VGLL3: variants seen among roughly 807,000 people sequenced by gnomAD.
The protein encoded by VGLL3 is vestigial like family member 3, also known as transcription cofactor vestigial-like protein 3.
Under a neutral mutation model 29.2 loss-of-function variants are expected in VGLL3, and 18 were observed. That is an observed-to-expected ratio of 0.62 (90% CI 0.43 to 0.91). The LOEUF (loss-of-function observed/expected upper bound fraction) is 0.91, where lower values mean the gene tolerates loss of function less well. Among genes scored for constraint, VGLL3 ranks in the 40% least tolerant of loss-of-function variants. VGLL3 has a pLI of 0.00. For missense variants in VGLL3, 440 were observed against 413.2 expected (o/e 1.06, Z -0.56); for synonymous variants, 180 against 151.8 (o/e 1.19, Z -1.36).
intron 3 of VGLL3, chr3:86,963,020 G>C (rs1486146106): frequency 4.3e-6 from 1 of 234,988 alleles, no homozygotes; most frequent in African/African-American, 2.3e-5. Context: ...GGTTGAACTC[G>C]GGAGGCAGAG....
chr3:86,947,001 T>C lies in VGLL3; in HGVS notation c.*23A>G, dbSNP rs1453189032. 1 of 779,414 alleles carries C rather than the reference T, an allele frequency of 1.3e-6. No individual in the cohort carries two copies. Among genetic ancestry groups the C allele is most frequent in the Non-Finnish European group, 2.4e-6 (1 of 417,322 alleles). The allele number at this position is 779,414 out of a possible 1,614,324, so 48.3% of individuals were successfully genotyped here. A position where few individuals can be genotyped will look rare whatever the true frequency, so the allele number is the denominator to read the frequency against. On this transcript the variant is annotated 3_prime_UTR_variant, in exon 4 of 4. Coordinates refer to ENST00000398399, the MANE Select transcript of VGLL3 (RefSeq NM_016206.4). The stretch of plus-strand genomic sequence containing the variant: ...TGGGCCCTTGGATTTATGCTGCAAC[T>C]TAACTCACTAAGATTGTGTGTTTCA...
intron 2 of VGLL3, among the ~76,000 whole-genome samples, chr3:86,975,021 A>C (rs1308459995): frequency 6.6e-6 from 1 of 152,230 alleles, no homozygotes; most frequent in Non-Finnish European, 1.5e-5. Context: ...ATGCTAAATT[A>C]TTCATATACA....
chr3:86,973,268 A>G (rs1705142116), intron 2 of VGLL3, among the ~76,000 whole-genome samples: 1 of 152,186 alleles, frequency 6.6e-6, no homozygotes, highest in Non-Finnish European at 1.5e-5. Context: ...TCCAGAAAAC[A>G]CATTAGAATC....
intron 3 of VGLL3, among the ~76,000 whole-genome samples, chr3:86,947,907 C>T (rs1460532524): frequency 6.6e-6 from 1 of 151,708 alleles, no homozygotes; most frequent in Non-Finnish European, 1.5e-5. Context: ...GGGCAATTCA[C>T]ATAGCACCTT....
intron 1 of VGLL3, 69 bp downstream of exon 1, chr3:86,990,549 G>C (rs763023337): frequency 1.1e-4 from 144 of 1,306,636 alleles, no homozygotes; most frequent in Non-Finnish European, 1.4e-4. Flanking sequence ...GGACGTCGCC[G>C]AGCCCCAGAC....
At chr3:86,961,057 T>C (rs1704828968) in intron 3 of VGLL3, among the ~76,000 whole-genome samples, 1 of 151,648 alleles carries the variant, frequency 6.6e-6, no homozygotes, top group Non-Finnish European at 1.5e-5. Context: ...AAGTTGTTTA[T>C]GTATACTGTA....
At chr3:86,990,437 GT>G (rs1457715354) in intron 1 of VGLL3, 180 bp downstream of exon 1, 1 of 976,638 alleles carries the variant, frequency 1.0e-6, no homozygotes, top group African/African-American at 1.8e-5. Context: ...TCACCCACCC[GT>G]CCACCCTGCT....
intron 2 of VGLL3, among the ~76,000 whole-genome samples, 182 bp downstream of exon 2, chr3:86,978,344 C>T (rs529700364): frequency 6.6e-6 from 1 of 152,322 alleles, no homozygotes; most frequent in East Asian, 1.9e-4. Context: ...CTTTCCAACC[C>T]TACATTCCAC....
At chr3:86,949,230 C>T (rs1480138061) in intron 3 of VGLL3, among the ~76,000 whole-genome samples, 7 of 152,064 alleles carry the variant, frequency 4.6e-5, no homozygotes, top group Non-Finnish European at 8.8e-5. Flanking sequence ...TTAAGATCGC[C>T]CCAGATTTTC....
At chr3:86,985,243 GAAGAAC>G (rs1705414828) in intron 1 of VGLL3, among the ~76,000 whole-genome samples, 1 of 152,108 alleles carries the variant, frequency 6.6e-6, no homozygotes, top group Admixed American at 6.5e-5. Context: ...ACAGATCATT[GAAGAAC>G]AATTTATTTT....
chr3:86,974,780 C>A (rs1705174345), intron 2 of VGLL3, among the ~76,000 whole-genome samples: 1 of 152,158 alleles, frequency 6.6e-6, no homozygotes, highest in African/African-American at 2.4e-5. Context: ...AATACTCGGT[C>A]AGCAGTTCCT....
At chr3:86,979,609 C>A (rs540071334) in intron 1 of VGLL3, among the ~76,000 whole-genome samples, 17 of 152,014 alleles carry the variant, frequency 1.1e-4, no homozygotes, top group South Asian at 4.2e-4. Flanking sequence ...ATATTTATCA[C>A]CTCACTTAAT....
Position 86,954,902 on chromosome 3 carries a change from C to CAAAAAAAAAAAAAAAAAA in VGLL3, c.938-7836_938-7835insTTTTTTTTTTTTTTTTTT, listed in dbSNP as rs879461102. On this transcript the variant is annotated intron_variant, in intron 3 of 3. Transcript: ENST00000398399. ...TCCCAGAACTGGAGAGGAGCAAAACCAAAAAAAAAAAAGCTTGGATCACTT... is the reference window on the plus strand; with the variant it reads ...TCCCAGAACTGGAGAGGAGCAAAACCAAAAAAAAAAAAAAAAAAAAAAAAAAAAAAGCTTGGATCACTT... Among the ~76,000 whole-genome samples, 29 of 128,130 alleles carry CAAAAAAAAAAAAAAAAAA rather than the reference C, an allele frequency of 2.3e-4. 1 individual carries two copies. The highest frequency in any genetic ancestry group is 7.4e-4 in the African/African-American group (24 of 32,288). The allele number at this position is 128,130 out of a possible 152,430, so 84.1% of individuals were successfully genotyped here. A position where few individuals can be genotyped will look rare whatever the true frequency, so the allele number is the denominator to read the frequency against.
intron 3 of VGLL3, among the ~76,000 whole-genome samples, chr3:86,960,986 T>G (rs1377172264): frequency 3.3e-5 from 5 of 149,884 alleles, no homozygotes; most frequent in African/African-American, 1.2e-4. Context: ...GTTGTTTTGT[T>G]TGTTTAATAT....
At chr3:86,961,003 A>T (rs1704827883) in intron 3 of VGLL3, among the ~76,000 whole-genome samples, 1 of 150,438 alleles carries the variant, frequency 6.6e-6, no homozygotes, top group African/African-American at 2.4e-5. Context: ...ATATTAGGTT[A>T]CCTAAATATA....
In VGLL3 at chr3:86,941,628, T is replaced by G. The variant is rs962559659; in HGVS notation, c.*5396A>C. On this transcript the variant is annotated 3_prime_UTR_variant, in exon 4 of 4. Transcript: ENST00000398399. ...TAAATTGACTAGAACTTCAAGAGAA[T>G]ACTACTTTGACCAATACTTTAAAAC... 3 of 152,016 alleles carry G rather than the reference T, an allele frequency of 2.0e-5. No individual in the cohort carries two copies. The highest frequency in any genetic ancestry group is 7.2e-5 in the African/African-American group (3 of 41,416). The allele number at this position is 152,016 out of a possible 1,614,324, so 9.4% of individuals were successfully genotyped here. A position where few individuals can be genotyped will look rare whatever the true frequency, so the allele number is the denominator to read the frequency against.
rs1705575255 is a variant in VGLL3 at position 86,990,988 on chromosome 3, G to T, written c.-245C>A. 2.0e-6 allele frequency: 2 copies of T among 983,528 alleles called. No homozygotes were observed. The highest frequency in any genetic ancestry group is 2.5e-6 in the Non-Finnish European group (2 of 815,730). 60.9% of individuals were successfully genotyped at this position (983,528 alleles called of 1,614,324 possible). A position where few individuals can be genotyped will look rare whatever the true frequency, so the allele number is the denominator to read the frequency against. Reference sequence around the variant, plus strand: ...AGCCCCTCCGGATGTTCCCTGCCGCGCTTATATAGCGGCTCAGGGACGCAG... The same window carrying T: ...AGCCCCTCCGGATGTTCCCTGCCGCTCTTATATAGCGGCTCAGGGACGCAG... On this transcript the variant is annotated 5_prime_UTR_variant, in exon 1 of 4. Transcript: ENST00000398399.
At chr3:86,982,789 T>C (rs1225183389) in intron 1 of VGLL3, among the ~76,000 whole-genome samples, 1 of 152,224 alleles carries the variant, frequency 6.6e-6, no homozygotes, top group Non-Finnish European at 1.5e-5. Flanking sequence ...GACTACAAGT[T>C]GTTGTTTTTC....
chr3:86,963,933 T>C (rs1054824216), intron 3 of VGLL3, among the ~76,000 whole-genome samples: 11 of 152,132 alleles, frequency 7.2e-5, no homozygotes, highest in East Asian at 1.9e-4. Context: ...ATAATTTTCA[T>C]TGAGGGAGTG....
Sources: gnomAD v4.1 joint callset for allele counts (sites outside exome capture counted in the v4.1 genomes callset) on GRCh38, gnomAD v4.1.1 for gene constraint, MANE v1.5 for transcripts, NCBI Gene and HGNC (gene_info 2026-07-23, HGNC 2026-07-21) for gene names.